Variants in CAPRIN1 observed in about 807,000 individuals in gnomAD.
CAPRIN1 encodes the protein caprin-1.
Under a neutral mutation model 100.9 loss-of-function variants are expected in CAPRIN1, and 29 were observed. That is an observed-to-expected ratio of 0.29 (90% CI 0.21 to 0.39). CAPRIN1 has a LOEUF of 0.39. Among genes scored for constraint, CAPRIN1 ranks in the 10% least tolerant of loss-of-function variants. The pLI, the probability that CAPRIN1 is intolerant of heterozygous loss-of-function variation, is 1.00. For missense variants in CAPRIN1, 795 were observed against 876.7 expected, an observed-to-expected ratio of 0.91 and a Z score of 1.18; for synonymous variants, 338 against 307.5, an observed-to-expected ratio of 1.10 and a Z score of -1.04.
chr11:34,093,161 G>GT (rs1214310997), intron 15 of CAPRIN1, among the ~76,000 whole-genome samples: 6 of 150,560 alleles, frequency 4.0e-5, no homozygotes, highest in African/African-American at 1.5e-4. Context: ...GAACTACCTT[G>GT]TCTAGCTCGA....
At chr11:34,079,160 C>A (rs1483330296) in intron 6 of CAPRIN1, among the ~76,000 whole-genome samples, 1 of 152,188 alleles carries the variant, frequency 6.6e-6, no homozygotes, top group African/African-American at 2.4e-5. Flanking sequence ...TTAATCCCAG[C>A]CCTTTGGGAA....
intron 2 of CAPRIN1, chr11:34,053,145 C>G (rs901401387): frequency 8.1e-5 from 80 of 988,346 alleles, no homozygotes; most frequent in Non-Finnish European, 9.4e-5. Context: ...TCGAGCGTCC[C>G]CTCTTCTTCC....
Position 34,052,646 on chromosome 11 carries a change from G to A in CAPRIN1, c.216+10G>A, listed in dbSNP as rs771620375. Reference sequence around the variant, plus strand: ...CCTGGAGAAGAAAAAGGTGCCAGGAGTTGGCGGGGAAGGGAGGGGTGGCTG... The same window carrying A: ...CCTGGAGAAGAAAAAGGTGCCAGGAATTGGCGGGGAAGGGAGGGGTGGCTG... On this transcript the variant is annotated intron_variant, in intron 2 of 18. Coordinates refer to ENST00000341394, the MANE Select transcript of CAPRIN1 (RefSeq NM_005898.5). 3.1e-6 allele frequency: 5 copies of A among 1,599,548 alleles called. No individual in the cohort carries two copies. In the South Asian group the frequency reaches 4.5e-5, roughly 14 times the overall value.
chr11:34,064,954 G>GTTTTTTT (rs10551006), intron 2 of CAPRIN1, among the ~76,000 whole-genome samples: 3 of 63,140 alleles, frequency 4.8e-5, no homozygotes, highest in African/African-American at 1.8e-4. Flanking sequence ...CTGTATAATG[G>GTTTTTTT]TTTTTTTTTT....
At chr11:34,084,081 A>G (rs1565093494) in intron 9 of CAPRIN1, among the ~76,000 whole-genome samples, 2 of 151,130 alleles carry the variant, frequency 1.3e-5, no homozygotes, top group South Asian at 2.1e-4. Flanking sequence ...AAAAAAACCC[A>G]TTTTCCAAAG....
At chr11:34,070,395 TTTTTTTC>T (rs1850784959) in intron 2 of CAPRIN1, among the ~76,000 whole-genome samples, 1 of 152,148 alleles carries the variant, frequency 6.6e-6, no homozygotes, top group Admixed American at 6.5e-5. Flanking sequence ...AAAAAAATAC[TTTTTTTC>T]CCCTTGGGGT....
chr11:34,095,474 C>T (rs1043936780), intron 15 of CAPRIN1, among the ~76,000 whole-genome samples: 2 of 152,184 alleles, frequency 1.3e-5, no homozygotes, highest in South Asian at 4.1e-4. Flanking sequence ...TTCCCTAGTG[C>T]TTTCATCGTA....
intron 18 of CAPRIN1, 165 bp from the exon 19 acceptor site, chr11:34,099,138 C>T (rs1374062241): frequency 1.4e-6 from 2 of 1,440,902 alleles, no homozygotes; most frequent in East Asian, 2.5e-5. Flanking sequence ...TTGCGCATGA[C>T]AACTTCCAGG....
chr11:34,080,210 A>G (rs1013144011), intron 7 of CAPRIN1, among the ~76,000 whole-genome samples: 2 of 152,208 alleles, frequency 1.3e-5, no homozygotes, highest in Non-Finnish European at 2.9e-5. Context: ...GGCGTGAGCC[A>G]CTGCGCCCGG....
intron 2 of CAPRIN1, among the ~76,000 whole-genome samples, chr11:34,060,324 A>G (rs1212999160): frequency 6.6e-6 from 1 of 152,024 alleles, no homozygotes; most frequent in East Asian, 1.9e-4. Context: ...ATTCTCCTCA[A>G]TACTGTTCTA....
Position 34,089,396 on chromosome 11 carries a change from T to TCG in CAPRIN1, c.1234_1235insGC (p.His412ArgfsTer63). 6.2e-7 allele frequency: 1 copy of TCG among 1,602,340 alleles called. No homozygotes were observed. Among genetic ancestry groups the TCG allele is most frequent in the Non-Finnish European group, 8.5e-7 (1 of 1,172,104 alleles). ...AAAATGTTTTGGTCACCTTTGCAGT[T>TCG]CATTCTGAATCTAGACTTGCTCAGC... is the stretch of plus-strand genomic sequence containing the variant. On this transcript the variant is annotated frameshift_variant and splice_region_variant, in exon 12 of 19. Coordinates refer to ENST00000341394, the MANE Select transcript of CAPRIN1 (RefSeq NM_005898.5). LOFTEE classifies it high-confidence loss of function.
In CAPRIN1 at chr11:34,090,605, A is replaced by G. The variant is rs1480692524; in HGVS notation, c.1481A>G (p.Gln494Arg). 5 of 1,614,054 alleles carry G rather than the reference A, an allele frequency of 3.1e-6. No homozygotes were observed. Among genetic ancestry groups the G allele is most frequent in the Admixed American group, 1.7e-5 (1 of 60,004 alleles). Residue 494 changes from glutamine (Q) to arginine (R), a missense_variant, in exon 14 of 19, where the codon CAG becomes CGG. By Grantham distance (43) the Gln-to-Arg change is conservative (BLOSUM62 1). Around this residue, in one of 3 missense-constraint regions of CAPRIN1, gnomAD observed 648 missense variants for 697.9 expected, o/e 0.93. Transcript: ENST00000341394. ...LPAASQPQVF[Q>R]AGTSKPLHSS... ...GCTGCGTCTCAGCCTCAAGTATTTC[A>G]GGCTGGGACAAGCAAACCTTTACAT...
chr11:34,072,593 G>A (rs556746626), intron 4 of CAPRIN1, among the ~76,000 whole-genome samples: 1 of 152,234 alleles, frequency 6.6e-6, no homozygotes, highest in East Asian at 1.9e-4. Flanking sequence ...AAGGGGTATG[G>A]CAAACTGATG....
intron 15 of CAPRIN1, among the ~76,000 whole-genome samples, chr11:34,093,523 T>A (rs1175474124): frequency 6.6e-6 from 1 of 152,242 alleles, no homozygotes; most frequent in South Asian, 2.1e-4. Context: ...TTGTAAAATT[T>A]TCTAATTATT....
chr11:34,086,254 G>GTC, intron 10 of CAPRIN1, 35 bp downstream of exon 10: 7 of 1,609,948 alleles, frequency 4.3e-6, no homozygotes, highest in Non-Finnish European at 5.9e-6. Flanking sequence ...GTAACAGAAA[G>GTC]TTTAAGTGTT....
chr11:34,094,065 C>T (rs986082875), intron 15 of CAPRIN1, among the ~76,000 whole-genome samples: 1 of 151,944 alleles, frequency 6.6e-6, no homozygotes, highest in Admixed American at 6.6e-5. Flanking sequence ...AATGTGTGTC[C>T]GTTGTGGGCG....
chr11:34,067,846 C>CT (rs1163525662), intron 2 of CAPRIN1, among the ~76,000 whole-genome samples: 1 of 152,086 alleles, frequency 6.6e-6, no homozygotes, highest in Non-Finnish European at 1.5e-5. Flanking sequence ...TTTTTGCATA[C>CT]TTTCTTTTGT....
chr11:34,078,715 C>T (rs1352855530), intron 6 of CAPRIN1, among the ~76,000 whole-genome samples: 2 of 152,194 alleles, frequency 1.3e-5, no homozygotes, highest in African/African-American at 2.4e-5. Flanking sequence ...ATTTTAGCCA[C>T]AGTGGCTTCC....
intron 15 of CAPRIN1, among the ~76,000 whole-genome samples, chr11:34,092,862 T>C (rs957850356): frequency 1.3e-5 from 2 of 152,112 alleles, no homozygotes; most frequent in African/African-American, 4.8e-5. Context: ...GGGACGCTTT[T>C]ATGTATTTGA....
Sources: allele counts gnomAD v4.1 joint callset (sites outside exome capture counted in the v4.1 genomes callset), GRCh38; gene constraint gnomAD v4.1.1; regional missense constraint gnomAD v4.1.1; transcripts MANE v1.5; gene names NCBI Gene and HGNC (gene_info 2026-07-23, HGNC 2026-07-21).